The following SH3PXD2A variants were observed in gnomAD, a reference collection of about 807,000 sequenced individuals.
SH3PXD2A encodes the protein SH3 and PX domains 2A.
In SH3PXD2A, 32 loss-of-function variants were observed where a neutral mutation model predicts 115.2. That is an observed-to-expected ratio of 0.28 (90% confidence interval 0.21 to 0.37). The LOEUF is 0.37. Ranked by LOEUF, SH3PXD2A falls within the 10% of genes least tolerant of loss-of-function variation. The pLI is 1.00. For missense variants in SH3PXD2A, 1,328 were observed against 1,498.7 expected (o/e 0.89, Z 1.88); for synonymous variants, 610 against 629.1 (o/e 0.97, Z 0.45).
intron 1 of SH3PXD2A, among the ~76,000 whole-genome samples, chr10:103,802,954 G>A (rs1178035654): frequency 6.6e-6 from 1 of 152,212 alleles, no homozygotes; most frequent in Non-Finnish European, 1.5e-5. Context: ...AAGATGAGGA[G>A]GAACGTTAGC....
At chr10:103,730,284 T>C (rs1239886392) in intron 4 of SH3PXD2A, among the ~76,000 whole-genome samples, 2 of 150,606 alleles carry the variant, frequency 1.3e-5, no homozygotes, top group South Asian at 2.1e-4. Flanking sequence ...TTTTTGTTTT[T>C]TAATTTTTTT....
chr10:103,606,764 CG>C (rs1182480737), intron 13 of SH3PXD2A, among the ~76,000 whole-genome samples: 1 of 152,236 alleles, frequency 6.6e-6, no homozygotes, highest in Non-Finnish European at 1.5e-5. Flanking sequence ...CCCGAGGTGC[CG>C]GGATTGCAGA....
At position 103,665,053 on chromosome 10, in the gene SH3PXD2A, G is replaced by A. The variant is rs758629296; in HGVS notation, c.472+3555C>T. Among the ~76,000 whole-genome samples, 5 of 152,228 alleles carry A rather than the reference G, an allele frequency of 3.3e-5. No individual in the cohort carries two copies. ...CTGTTAGGTGGCAGGCACTCAATAA[G>A]TGTGAAATGAACCAGTGAAACGCGT... On this transcript the variant is annotated intron_variant, in intron 7 of 14. Transcript: ENST00000369774. The surrounding 1 kb of genome is among the most constrained non-coding windows in gnomAD (Gnocchi z 4.0).
intron 6 of SH3PXD2A, 95 bp from the exon 7 acceptor site, chr10:103,668,747 G>GCGCCGCGCTCGGCCAGC: frequency 1.7e-6 from 2 of 1,164,448 alleles, no homozygotes; most frequent in South Asian, 2.6e-5. Context: ...GTGGCTGCAG[G>GCGCCGCGCTCGGCCAGC]CGCCGCGCTC....
intron 8 of SH3PXD2A, among the ~76,000 whole-genome samples, chr10:103,638,432 T>A (rs936315178): frequency 1.4e-4 from 21 of 152,232 alleles, no homozygotes; most frequent in Non-Finnish European, 2.9e-4. Context: ...GGCTCTGGTG[T>A]GTCTGAGCAG....
chr10:103,641,533 C>T (rs1210835091), intron 8 of SH3PXD2A, among the ~76,000 whole-genome samples: 1 of 152,186 alleles, frequency 6.6e-6, no homozygotes, highest in African/African-American at 2.4e-5. Context: ...AAAACCACTC[C>T]AGCTCAGCTG....
At chr10:103,757,248 C>A (rs148105584) in intron 3 of SH3PXD2A, among the ~76,000 whole-genome samples, 250 of 152,240 alleles carry the variant, frequency 1.6e-3, no homozygotes, top group Middle Eastern at 3.4e-3. Flanking sequence ...GGTGACTTTG[C>A]CAACAAGCAA....
intron 4 of SH3PXD2A, among the ~76,000 whole-genome samples, chr10:103,729,558 C>T (rs1398763549): frequency 6.6e-6 from 1 of 152,212 alleles, no homozygotes; most frequent in Non-Finnish European, 1.5e-5. Context: ...CCCTCAGGTT[C>T]TGGGGCAAGT....
chr10:103,653,820 G>A (rs568884249), intron 8 of SH3PXD2A, among the ~76,000 whole-genome samples: 2 of 152,116 alleles, frequency 1.3e-5, no homozygotes, highest in East Asian at 3.9e-4. Context: ...ACCTGTGCCT[G>A]CCACCCTCCT....
intron 3 of SH3PXD2A, among the ~76,000 whole-genome samples, chr10:103,742,218 G>A (rs944435871): frequency 8.5e-5 from 13 of 152,308 alleles, no homozygotes; most frequent in Admixed American, 7.2e-4. Flanking sequence ...CAAGGTGCCA[G>A]CAGGGTCACG....
intron 6 of SH3PXD2A, among the ~76,000 whole-genome samples, chr10:103,686,751 T>TA (rs1262350268): frequency 6.7e-6 from 1 of 149,824 alleles, no homozygotes; most frequent in Non-Finnish European, 1.5e-5. Context: ...GGGAATTTTT[T>TA]TTTTTTTTTT....
intron 3 of SH3PXD2A, among the ~76,000 whole-genome samples, chr10:103,737,857 C>T (rs538832862): frequency 2.1e-4 from 32 of 152,328 alleles, no homozygotes; most frequent in African/African-American, 7.5e-4. Flanking sequence ...CCTGCCACCA[C>T]AAGCATTGGT....
intron 1 of SH3PXD2A, among the ~76,000 whole-genome samples, chr10:103,831,531 C>T (rs541515983): frequency 9.9e-5 from 15 of 152,214 alleles, no homozygotes; most frequent in African/African-American, 2.4e-4. Context: ...ACCATTTTAA[C>T]GTGTACAATT....
intron 2 of SH3PXD2A, among the ~76,000 whole-genome samples, chr10:103,779,328 C>T (rs1436154374): frequency 6.6e-6 from 1 of 152,160 alleles, no homozygotes; most frequent in African/African-American, 2.4e-5. Context: ...TGGCATGAGG[C>T]GCCGTGCGGG....
chr10:103,825,334 T>G (rs984953376), intron 1 of SH3PXD2A, among the ~76,000 whole-genome samples: 1 of 152,176 alleles, frequency 6.6e-6, no homozygotes, highest in Admixed American at 6.5e-5. Context: ...TATCATTTGT[T>G]GAGAATTTAC....
chr10:103,781,561 A>G (rs1054155906), intron 2 of SH3PXD2A, among the ~76,000 whole-genome samples: 1 of 152,236 alleles, frequency 6.6e-6, no homozygotes, highest in Non-Finnish European at 1.5e-5. Context: ...GAGGAGCTCA[A>G]TCAAGGTCTA....
chr10:103,807,482 C>T (rs555195479), intron 1 of SH3PXD2A, among the ~76,000 whole-genome samples: 1 of 152,364 alleles, frequency 6.6e-6, no homozygotes, highest in East Asian at 1.9e-4. Context: ...CCTTCACTTG[C>T]TCACATGACC....
intron 8 of SH3PXD2A, among the ~76,000 whole-genome samples, chr10:103,628,378 C>T (rs1354624654): frequency 6.6e-6 from 1 of 152,170 alleles, no homozygotes; most frequent in Non-Finnish European, 1.5e-5. Flanking sequence ...CCACAACCCT[C>T]TGCTTGCAGC....
At chr10:103,606,619 C>T (rs1027812767) in intron 13 of SH3PXD2A, among the ~76,000 whole-genome samples, 6 of 151,832 alleles carry the variant, frequency 4.0e-5, no homozygotes, top group Admixed American at 6.6e-5. Flanking sequence ...CTCAGCCTGC[C>T]GAGTGCCTGC....
Sources: allele counts gnomAD v4.1 joint callset (sites outside exome capture counted in the v4.1 genomes callset), GRCh38; gene constraint gnomAD v4.1.1; non-coding constraint Gnocchi (gnomAD v3.1); transcripts MANE v1.5; gene names NCBI Gene and HGNC (gene_info 2026-07-23, HGNC 2026-07-21).